Variants in CCSER1 observed in about 807,000 individuals in gnomAD.
CCSER1 encodes serine-rich coiled-coil domain-containing protein 1.
A neutral mutation model predicts 82.0 loss-of-function variants in CCSER1; 41 were observed. The observed-to-expected ratio is 0.50, with a 90% CI of 0.39 to 0.65. The LOEUF (loss-of-function observed/expected upper bound fraction) is 0.65. CCSER1 is among the 30% of genes least tolerant of loss of function. The pLI, the probability that CCSER1 is intolerant of heterozygous loss-of-function variation, is 0.00. For missense variants in CCSER1, 1,119 were observed against 1,064.2 expected, an observed-to-expected ratio of 1.05 and a Z score of -0.72; for synonymous variants, 414 against 383.9, an observed-to-expected ratio of 1.08 and a Z score of -0.92.
intron 4 of CCSER1, among the ~76,000 whole-genome samples, chr4:90,455,103 T>C (rs79326844): frequency 0.014 from 2,182 of 152,314 alleles, 30 homozygotes; most frequent in African/African-American, 0.042. Context: ...GAATCAATCC[T>C]ACAATGTTGG....
chr4:91,306,395 G>C (rs1392336351), intron 10 of CCSER1, among the ~76,000 whole-genome samples: 1 of 151,860 alleles, frequency 6.6e-6, no homozygotes, highest in Non-Finnish European at 1.5e-5. Flanking sequence ...AAAATATAAA[G>C]AATTAGTACA....
chr4:91,037,554 G>A (rs529715839), intron 9 of CCSER1, among the ~76,000 whole-genome samples: 7 of 149,908 alleles, frequency 4.7e-5, no homozygotes, highest in Non-Finnish European at 1.0e-4. Context: ...TTTTCTTATC[G>A]AGCACCTTGT....
At chr4:91,335,477 G>A (rs1747252964) in intron 10 of CCSER1, among the ~76,000 whole-genome samples, 1 of 152,074 alleles carries the variant, frequency 6.6e-6, no homozygotes, top group East Asian at 1.9e-4. Flanking sequence ...TCAATGACAT[G>A]AATTAAGTAC....
intron 7 of CCSER1, among the ~76,000 whole-genome samples, chr4:90,815,511 CAT>C (rs1332751244): frequency 7.4e-5 from 9 of 121,484 alleles, no homozygotes; most frequent in Non-Finnish European, 1.5e-4. Flanking sequence ...TAAGCAAAAA[CAT>C]ATGTGTGTGT....
intron 10 of CCSER1, among the ~76,000 whole-genome samples, chr4:91,431,109 G>A (rs1015888047): frequency 5.9e-5 from 9 of 152,022 alleles, no homozygotes; most frequent in East Asian, 1.9e-4. Context: ...GGTGGCGGGC[G>A]CCTGTAGTCC....
At chr4:90,158,035 T>C (rs1204292096) in intron 1 of CCSER1, among the ~76,000 whole-genome samples, 1 of 152,202 alleles carries the variant, frequency 6.6e-6, no homozygotes, top group Non-Finnish European at 1.5e-5. Flanking sequence ...ATGATGGTGA[T>C]GTACAGATGG....
At chr4:90,153,045 C>G (rs1727205423) in intron 1 of CCSER1, among the ~76,000 whole-genome samples, 1 of 124,438 alleles carries the variant, frequency 8.0e-6, no homozygotes, top group Admixed American at 9.3e-5. Context: ...CTCCCCCCAC[C>G]CCACCACAGT....
intron 7 of CCSER1, among the ~76,000 whole-genome samples, chr4:90,729,794 T>G (rs1021693923): frequency 6.6e-6 from 1 of 152,132 alleles, no homozygotes; most frequent in Non-Finnish European, 1.5e-5. Context: ...GAGAATGGCG[T>G]GAACCCAGGA....
chr4:91,490,247 C>A (rs1036713777), intron 10 of CCSER1, among the ~76,000 whole-genome samples: 4 of 152,078 alleles, frequency 2.6e-5, no homozygotes, highest in Admixed American at 1.3e-4. Context: ...TAGGTACATA[C>A]CCCGAAGAAA....
intron 5 of CCSER1, among the ~76,000 whole-genome samples, chr4:90,474,139 CA>C (rs113535187): frequency 0.1 from 10,404 of 101,820 alleles, 397 homozygotes; most frequent in Non-Finnish European, 0.14. Context: ...GATTCCCTCT[CA>C]AAAAAAAAAA....
chr4:91,345,777 A>G (rs1244742528), intron 10 of CCSER1, among the ~76,000 whole-genome samples: 1 of 152,136 alleles, frequency 6.6e-6, no homozygotes, highest in Non-Finnish European at 1.5e-5. Context: ...ATTTACTCTC[A>G]TCAGAGTATT....
At chr4:90,454,341 T>C (rs1430370803) in intron 4 of CCSER1, among the ~76,000 whole-genome samples, 4 of 151,886 alleles carry the variant, frequency 2.6e-5, no homozygotes, top group Non-Finnish European at 5.9e-5. Context: ...TTTTTGCAGC[T>C]TCCTTCTGAT....
rs867795381 is a variant in CCSER1 at position 90,231,204 on chromosome 4, A to G, written c.-41-77040A>G. On this transcript the variant is annotated intron_variant, in intron 1 of 10. Transcript: ENST00000509176. ...TTTTAGACCAATATCCTTGATGAAC[A>G]TTGATGCAAAAATCCTCAATAAAAT... Among the ~76,000 whole-genome samples the G allele has an allele frequency of 6.4e-3, 971 of 152,164 alleles. 9 individuals are homozygous for G. The highest frequency in any genetic ancestry group is 0.023 in the African/African-American group (939 of 41,494).
intron 9 of CCSER1, among the ~76,000 whole-genome samples, chr4:91,061,489 T>A (rs1424181983): frequency 6.6e-6 from 1 of 151,946 alleles, no homozygotes; most frequent in Non-Finnish European, 1.5e-5. Context: ...GGCTTTAGAG[T>A]TCTTTGAAGA....
chr4:90,740,920 A>G (rs1746451246), intron 7 of CCSER1, among the ~76,000 whole-genome samples: 1 of 152,134 alleles, frequency 6.6e-6, no homozygotes, highest in Admixed American at 6.6e-5. Context: ...CTGAGCATCT[A>G]TTAAAATATT....
intron 10 of CCSER1, among the ~76,000 whole-genome samples, chr4:91,557,287 A>G (rs1762451549): frequency 6.6e-6 from 1 of 151,492 alleles, no homozygotes; most frequent in Non-Finnish European, 1.5e-5. Context: ...ATTTTATATA[A>G]TAGCTCCTGG....
Position 91,299,781 on chromosome 4 carries a change from GT to G in CCSER1, c.2217+213801del, listed in dbSNP as rs372879380. On this transcript the variant is annotated intron_variant, in intron 10 of 10. Coordinates refer to ENST00000509176, the MANE Select transcript of CCSER1 (RefSeq NM_001145065.2). ...TAGCAGGGACTTTTTCTACCTGAAA[GT>G]TTTTTTTTTTTTTAAATACATATAT... 3.8e-3 allele frequency among the ~76,000 whole-genome samples: 538 copies of G among 141,294 alleles called. 1 individual carries two copies. The highest frequency in any genetic ancestry group is 0.012 in the South Asian group (53 of 4,428). The allele number at this position is 141,294 out of a possible 152,430, so 92.7% of individuals were successfully genotyped here. A position where few individuals can be genotyped will look rare whatever the true frequency, so the allele number is the denominator to read the frequency against.
intron 10 of CCSER1, among the ~76,000 whole-genome samples, chr4:91,158,462 C>T (rs1176803712): frequency 6.6e-6 from 1 of 151,894 alleles, no homozygotes; most frequent in Non-Finnish European, 1.5e-5. Flanking sequence ...CCTCTTTTGT[C>T]ATTAAAGGAA....
chr4:90,962,765 A>G (rs1287586846), intron 9 of CCSER1, among the ~76,000 whole-genome samples: 2 of 152,152 alleles, frequency 1.3e-5, no homozygotes, highest in African/African-American at 4.8e-5. Flanking sequence ...TCTAGCTAGT[A>G]TCACAGGCAC....
Sources: gnomAD v4.1 joint callset for allele counts (sites outside exome capture counted in the v4.1 genomes callset) on GRCh38, gnomAD v4.1.1 for gene constraint, MANE v1.5 for transcripts, NCBI Gene and HGNC (gene_info 2026-07-23, HGNC 2026-07-21) for gene names.